The following NUBPL variants were observed in gnomAD, a reference collection of about 807,000 sequenced individuals.
NUBPL encodes the protein iron-sulfur cluster transfer protein NUBPL.
NUBPL carries 31 observed loss-of-function variants against 45.7 expected under a neutral mutation model. That is an observed-to-expected ratio of 0.68 (90% CI 0.51 to 0.92). The LOEUF (loss-of-function observed/expected upper bound fraction) is 0.92. Ranked by LOEUF, NUBPL falls within the 40% of genes least tolerant of loss-of-function variation. NUBPL has a pLI of 0.00. For missense variants in NUBPL, 401 were observed against 398.7 expected (o/e 1.01, Z -0.05); for synonymous variants, 144 against 140.9 (o/e 1.02, Z -0.15).
intron 4 of NUBPL, among the ~76,000 whole-genome samples, chr14:31,607,264 T>C (rs1220984040): frequency 6.6e-6 from 1 of 151,904 alleles, no homozygotes; most frequent in South Asian, 2.1e-4. Context: ...ATGCCTGTAG[T>C]CCCAGCTACT....
At chr14:31,840,397 C>G (rs1032417324) in intron 8 of NUBPL, among the ~76,000 whole-genome samples, 3 of 151,992 alleles carry the variant, frequency 2.0e-5, no homozygotes, top group Non-Finnish European at 4.4e-5. Flanking sequence ...CACGGTGAAA[C>G]CCCATCTCTA....
intron 7 of NUBPL, among the ~76,000 whole-genome samples, chr14:31,789,487 A>G (rs1029907859): frequency 6.6e-6 from 1 of 152,170 alleles, no homozygotes; most frequent in African/African-American, 2.4e-5. Flanking sequence ...ATGGTAATGC[A>G]TATCTGTTTT....
intron 8 of NUBPL, chr14:31,846,187 G>C (rs1473215884): frequency 2.6e-6 from 1 of 385,108 alleles, no homozygotes; most frequent in African/African-American, 2.1e-5. Context: ...AGAAACAACT[G>C]TCTATGGGAA....
chr14:31,799,880 C>A (rs1460796424), intron 7 of NUBPL, among the ~76,000 whole-genome samples: 1 of 152,194 alleles, frequency 6.6e-6, no homozygotes, highest in Non-Finnish European at 1.5e-5. Flanking sequence ...GGAAAGATAG[C>A]ATGTGATGCT....
At chr14:31,576,684 A>G (rs990064669) in intron 3 of NUBPL, among the ~76,000 whole-genome samples, 2 of 152,128 alleles carry the variant, frequency 1.3e-5, no homozygotes, top group African/African-American at 2.4e-5. Flanking sequence ...TTTACCACAG[A>G]TGCTCTTCTA....
At chr14:31,666,709 T>A (rs1383583818) in intron 4 of NUBPL, among the ~76,000 whole-genome samples, 1 of 152,224 alleles carries the variant, frequency 6.6e-6, no homozygotes, top group African/African-American at 2.4e-5. Flanking sequence ...CTTTCCATAT[T>A]TAGTGCTTCC....
intron 4 of NUBPL, among the ~76,000 whole-genome samples, chr14:31,606,236 G>A (rs536674345): frequency 9.0e-4 from 137 of 151,596 alleles, no homozygotes; most frequent in African/African-American, 3.2e-3. Flanking sequence ...TGGGACTACA[G>A]GCGTGTGCCA....
chr14:31,682,222 T>C (rs1477857664), intron 6 of NUBPL, among the ~76,000 whole-genome samples: 1 of 152,300 alleles, frequency 6.6e-6, no homozygotes, highest in East Asian at 1.9e-4. Context: ...TCATATGTTT[T>C]GAATTGTTAT....
intron 8 of NUBPL, among the ~76,000 whole-genome samples, chr14:31,834,926 G>A (rs1286227899): frequency 2.6e-5 from 4 of 152,158 alleles, no homozygotes; most frequent in Admixed American, 1.3e-4. Context: ...TAGTACTGTG[G>A]ACATCATGGA....
chr14:31,594,032 C>G (rs2034218706), intron 3 of NUBPL, among the ~76,000 whole-genome samples: 1 of 152,142 alleles, frequency 6.6e-6, no homozygotes, highest in African/African-American at 2.4e-5. Context: ...ATGGCATTAT[C>G]TCTGGGCCTT....
chr14:31,691,841 G>T (rs1478827938), intron 6 of NUBPL, among the ~76,000 whole-genome samples: 1 of 152,118 alleles, frequency 6.6e-6, no homozygotes, highest in Non-Finnish European at 1.5e-5. Flanking sequence ...TCTTCTGAAG[G>T]ATAACTTATT....
intron 2 of NUBPL, 43 bp downstream of exon 2, chr14:31,562,258 C>T (rs1175495437): frequency 9.0e-6 from 14 of 1,547,360 alleles, no homozygotes; most frequent in Non-Finnish European, 1.2e-5. Flanking sequence ...AGAACTTATG[C>T]CAACAGACAA....
At chr14:31,707,533 G>T (rs1228726031) in intron 6 of NUBPL, among the ~76,000 whole-genome samples, 1 of 152,110 alleles carries the variant, frequency 6.6e-6, no homozygotes, top group Admixed American at 6.5e-5. Context: ...AGAGTATAGA[G>T]GGGCCTGGCT....
At chr14:31,607,938 T>G (rs2034646482) in intron 4 of NUBPL, among the ~76,000 whole-genome samples, 1 of 152,096 alleles carries the variant, frequency 6.6e-6, no homozygotes, top group Non-Finnish European at 1.5e-5. Context: ...TCCAAAGGCA[T>G]TTAATAATCA....
At chr14:31,765,444 T>G (rs570356453) in intron 6 of NUBPL, among the ~76,000 whole-genome samples, 1 of 152,240 alleles carries the variant, frequency 6.6e-6, no homozygotes, top group Non-Finnish European at 1.5e-5. Context: ...TTTTGACTTA[T>G]GATAACCTGG....
intron 6 of NUBPL, among the ~76,000 whole-genome samples, chr14:31,751,613 G>A (rs1456092863): frequency 1.3e-5 from 2 of 152,228 alleles, no homozygotes; most frequent in Non-Finnish European, 2.9e-5. Context: ...AGCCTCTGTG[G>A]CTGCTTCCAC....
chr14:31,847,123 A>G (rs1300131346), intron 9 of NUBPL, among the ~76,000 whole-genome samples: 1 of 152,204 alleles, frequency 6.6e-6, no homozygotes, highest in Non-Finnish European at 1.5e-5. Context: ...AAAACTGTCT[A>G]TAACTTAAAT....
At chr14:31,787,650 T>TACAA in intron 6 of NUBPL, 130 bp from the exon 7 acceptor site, 1 of 677,286 alleles carries the variant, frequency 1.5e-6, no homozygotes, top group East Asian at 2.8e-5. Context: ...CTCAGCACAG[T>TACAA]GCCTTGTACC....
intron 7 of NUBPL, chr14:31,801,080 C>G (rs1399140154): frequency 6.6e-6 from 1 of 152,300 alleles, no homozygotes; most frequent in African/African-American, 2.4e-5. Flanking sequence ...CTTAGTGGAA[C>G]TTGGAGCCTG....
Sources: gnomAD v4.1 joint callset for allele counts (sites outside exome capture counted in the v4.1 genomes callset) on GRCh38, gnomAD v4.1.1 for gene constraint, MANE v1.5 for transcripts, NCBI Gene and HGNC (gene_info 2026-07-23, HGNC 2026-07-21) for gene names.